Variants in KCNU1 observed in about 807,000 individuals in gnomAD.
KCNU1 encodes potassium calcium-activated channel subfamily U member 1.
KCNU1 carries 93 observed loss-of-function variants against 126.8 expected under a neutral mutation model. The ratio of observed to expected loss-of-function variants is 0.73; its 90% confidence interval spans 0.62 to 0.87. The LOEUF (loss-of-function observed/expected upper bound fraction) is 0.87, where lower values mean the gene tolerates loss of function less well. Among genes scored for constraint, KCNU1 ranks in the 40% least tolerant of loss-of-function variants. The pLI is 0.00. For synonymous variants in KCNU1, 523 were observed against 494.2 expected, an observed-to-expected ratio of 1.06 and a Z score of -0.77; for missense variants, 1,330 against 1,367.1, an observed-to-expected ratio of 0.97 and a Z score of 0.43.
intron 19 of KCNU1, among the ~76,000 whole-genome samples, chr8:36,872,795 C>G (rs1012160497): frequency 2.0e-5 from 3 of 152,160 alleles, no homozygotes; most frequent in Admixed American, 1.3e-4. Context: ...GTAGGTAAGA[C>G]AGAGGACTTA....
At chr8:36,897,242 TTCTC>T (rs965809474) in intron 19 of KCNU1, among the ~76,000 whole-genome samples, 2 of 151,756 alleles carry the variant, frequency 1.3e-5, no homozygotes, top group African/African-American at 4.8e-5. Flanking sequence ...TATAGAATCA[TTCTC>T]TCTCTCTCCC....
chr8:36,889,014 G>C, intron 19 of KCNU1: 1 of 427,760 alleles, frequency 2.3e-6, no homozygotes, highest in South Asian at 1.8e-5. Flanking sequence ...CAGTAGCTGA[G>C]ATTACAGGCA....
At chr8:36,817,160 T>A (rs1311618143) in intron 9 of KCNU1, among the ~76,000 whole-genome samples, 18 of 152,136 alleles carry the variant, frequency 1.2e-4, no homozygotes, top group Admixed American at 1.2e-3. Context: ...ATCTGATGCT[T>A]CTTTTGTATT....
chr8:36,807,516 G>T, intron 6 of KCNU1, 66 bp downstream of exon 6: 1 of 1,155,700 alleles, frequency 8.7e-7, no homozygotes, highest in Non-Finnish European at 1.3e-6. Flanking sequence ...TGTATTAACT[G>T]GACCCTAAAC....
chr8:36,796,996 G>T (rs1447550889), intron 2 of KCNU1, among the ~76,000 whole-genome samples: 1 of 152,130 alleles, frequency 6.6e-6, no homozygotes, highest in Non-Finnish European at 1.5e-5. Context: ...GCAAGAAAGA[G>T]AGAACAGGTA....
In KCNU1 at chr8:36,845,732, T is replaced by C. The variant is rs1002756716; in HGVS notation, c.1793+63T>C. 35 of 1,443,048 alleles carry C rather than the reference T, an allele frequency of 2.4e-5. No individual in the cohort carries two copies. In the African/African-American group the frequency reaches 4.5e-4, roughly 18 times the overall value. 89.4% of individuals were successfully genotyped at this position (1,443,048 alleles called of 1,614,324 possible). On this transcript the variant is annotated intron_variant, in intron 17 of 26. Coordinates refer to ENST00000399881, the MANE Select transcript of KCNU1 (RefSeq NM_001031836.3). ...AACTACAGCTTAATGGGAGGCCCACTGAGTCAGCACCATGCCTCCTTTGCA... is the reference window on the plus strand; with the variant it reads ...AACTACAGCTTAATGGGAGGCCCACCGAGTCAGCACCATGCCTCCTTTGCA...
At chr8:36,874,185 G>A (rs1290711077) in intron 19 of KCNU1, among the ~76,000 whole-genome samples, 3 of 152,110 alleles carry the variant, frequency 2.0e-5, no homozygotes, top group Admixed American at 2.0e-4. Flanking sequence ...TGACTCCCTG[G>A]AAACCTACTC....
chr8:36,881,962 G>A (rs918543755), intron 19 of KCNU1, among the ~76,000 whole-genome samples: 1 of 151,864 alleles, frequency 6.6e-6, no homozygotes, highest in Admixed American at 6.6e-5. Flanking sequence ...ATCAATCTCT[G>A]TTACTCATCT....
At chr8:36,910,168 A>G (rs1311604814) in intron 21 of KCNU1, among the ~76,000 whole-genome samples, 1 of 152,206 alleles carries the variant, frequency 6.6e-6, no homozygotes, top group East Asian at 1.9e-4. Context: ...TTCATGAGAT[A>G]CGCACCAAAG....
At chr8:36,790,435 TCAAA>T (rs1420384189) in intron 2 of KCNU1, among the ~76,000 whole-genome samples, 1 of 150,380 alleles carries the variant, frequency 6.6e-6, no homozygotes, top group Non-Finnish European at 1.5e-5. Context: ...GCCGATTACT[TCAAA>T]CAATGAAATA....
chr8:36,901,566 A>C (rs978405848), intron 19 of KCNU1, among the ~76,000 whole-genome samples: 1 of 151,848 alleles, frequency 6.6e-6, no homozygotes, highest in African/African-American at 2.4e-5. Context: ...ATCAGAAAGG[A>C]ATGCTTATTT....
intron 10 of KCNU1, among the ~76,000 whole-genome samples, chr8:36,823,715 C>A (rs1213553200): frequency 1.3e-5 from 2 of 151,054 alleles, no homozygotes; most frequent in Non-Finnish European, 2.9e-5. Context: ...ACAATAGGAA[C>A]AAAAGTTGAG....
chr8:36,905,926 GA>G lies in KCNU1; in HGVS notation c.2106+129del, dbSNP rs1325621138. ...GTAAACTGTGAATTTGTCAAAAAAA[GA>G]AAAAAACCCACATCCCTCACCAGCC... On this transcript the variant is annotated intron_variant, in intron 20 of 26. Coordinates refer to ENST00000399881, the MANE Select transcript of KCNU1 (RefSeq NM_001031836.3). 4.3e-5 allele frequency: 24 copies of G among 553,862 alleles called. No homozygotes were observed. The East Asian group carries it at 6.0e-4, about 14-fold the overall frequency. 34.3% of individuals were successfully genotyped at this position (553,862 alleles called of 1,614,324 possible). A position where few individuals can be genotyped will look rare whatever the true frequency, so the allele number is the denominator to read the frequency against.
intron 18 of KCNU1, among the ~76,000 whole-genome samples, chr8:36,850,804 T>C (rs2117287545): frequency 6.6e-6 from 1 of 152,188 alleles, no homozygotes; most frequent in East Asian, 1.9e-4. Flanking sequence ...AAGAAGAGGA[T>C]CCAACTTTAC....
At chr8:36,866,479 G>C (rs1412879074) in intron 19 of KCNU1, among the ~76,000 whole-genome samples, 4 of 152,118 alleles carry the variant, frequency 2.6e-5, no homozygotes, top group Non-Finnish European at 5.9e-5. Context: ...TTATAAAGTG[G>C]ATGAGATAGC....
intron 19 of KCNU1, among the ~76,000 whole-genome samples, chr8:36,873,134 T>TG (rs1041638869): frequency 9.9e-5 from 15 of 152,124 alleles, no homozygotes; most frequent in African/African-American, 3.6e-4. Flanking sequence ...TTACATCCTG[T>TG]GGGGGTGGCA....
At position 36,935,961 on chromosome 8, in the gene KCNU1, C is replaced by T; in HGVS notation, c.*41C>T. 6.8e-7 allele frequency: 1 copy of T among 1,475,218 alleles called. No individual in the cohort carries two copies. The highest frequency in any genetic ancestry group is 9.1e-7 in the Non-Finnish European group (1 of 1,098,688). The allele number at this position is 1,475,218 out of a possible 1,614,324, so 91.4% of individuals were successfully genotyped here. A position where few individuals can be genotyped will look rare whatever the true frequency, so the allele number is the denominator to read the frequency against. On this transcript the variant is annotated 3_prime_UTR_variant, in exon 27 of 27. Transcript: ENST00000399881. ...TCACGTGCTCTTAACTTGCTGCTTA[C>T]AAATCATCTCCTGAGATGCTAACTT...
chr8:36,829,706 G>A (rs539076541), intron 10 of KCNU1, among the ~76,000 whole-genome samples: 1 of 151,362 alleles, frequency 6.6e-6, no homozygotes, highest in African/African-American at 2.4e-5. Context: ...AAGTTTAGAT[G>A]CAGCATTGAC....
intron 22 of KCNU1, 122 bp downstream of exon 22, chr8:36,911,241 C>A: frequency 1.5e-6 from 1 of 676,376 alleles, no homozygotes; most frequent in Non-Finnish European, 2.3e-6. Flanking sequence ...CCTCTGAGGT[C>A]CCTTCCAATC....
Sources: allele counts gnomAD v4.1 joint callset (sites outside exome capture counted in the v4.1 genomes callset), GRCh38; gene constraint gnomAD v4.1.1; transcripts MANE v1.5; gene names NCBI Gene and HGNC (gene_info 2026-07-23, HGNC 2026-07-21).